NRXN3: variants seen among roughly 807,000 people sequenced by gnomAD.
NRXN3 encodes the protein neurexin III.
A neutral mutation model predicts 137.6 loss-of-function variants in NRXN3; 32 were observed. The ratio of observed to expected loss-of-function variants is 0.23; its 90% confidence interval spans 0.18 to 0.31. The LOEUF (loss-of-function observed/expected upper bound fraction) is 0.31. Ranked by LOEUF, NRXN3 falls within the 10% of genes least tolerant of loss-of-function variation. The probability of loss-of-function intolerance (pLI) is 1.00; values close to 1 mark genes in which losing one functional copy is unlikely to be tolerated. For synonymous variants in NRXN3, 798 were observed against 784.5 expected (o/e 1.02, Z -0.29); for missense variants, 1,574 against 2,062.5 (o/e 0.76, Z 4.59).
At chr14:78,611,038 C>T (rs1464892319) in intron 4 of NRXN3, among the ~76,000 whole-genome samples, 1 of 152,188 alleles carries the variant, frequency 6.6e-6, no homozygotes, top group Non-Finnish European at 1.5e-5. Flanking sequence ...GACACCCCAA[C>T]TCCATGCAGC....
At chr14:79,706,973 C>T (rs549508842) in intron 19 of NRXN3, among the ~76,000 whole-genome samples, 37 of 152,218 alleles carry the variant, frequency 2.4e-4, no homozygotes, top group African/African-American at 5.1e-4. Flanking sequence ...ATTCGTTTGT[C>T]GCCACCGGAC....
intron 15 of NRXN3, among the ~76,000 whole-genome samples, chr14:79,128,999 T>C (rs1208883761): frequency 6.6e-6 from 1 of 152,234 alleles, no homozygotes; most frequent in Non-Finnish European, 1.5e-5. Flanking sequence ...TGGTAGTTTG[T>C]ATTTCTGTGG....
At chr14:79,614,297 T>C (rs774382299) in intron 16 of NRXN3, among the ~76,000 whole-genome samples, 7 of 152,342 alleles carry the variant, frequency 4.6e-5, no homozygotes, top group Middle Eastern at 3.4e-3. Flanking sequence ...TAGATAAGCT[T>C]ACTGTTCACT....
At chr14:78,499,162 A>G (rs1030083734) in intron 4 of NRXN3, among the ~76,000 whole-genome samples, 1 of 152,120 alleles carries the variant, frequency 6.6e-6, no homozygotes, top group Non-Finnish European at 1.5e-5. Context: ...TTTTTTAAAT[A>G]CTACCTCTAT....
At chr14:78,681,770 A>G (rs549915509) in intron 6 of NRXN3, among the ~76,000 whole-genome samples, 1 of 152,258 alleles carries the variant, frequency 6.6e-6, no homozygotes, top group African/African-American at 2.4e-5. Context: ...TTCTCTTATC[A>G]GTGAAGGAGA....
At chr14:78,542,411 C>A (rs61052532) in intron 4 of NRXN3, among the ~76,000 whole-genome samples, 9 of 152,228 alleles carry the variant, frequency 5.9e-5, no homozygotes, top group African/African-American at 1.7e-4. Flanking sequence ...GCCCCTCCCC[C>A]AGCCAGGCTG....
At chr14:79,412,223 G>T (rs1246984254) in intron 15 of NRXN3, among the ~76,000 whole-genome samples, 1 of 152,040 alleles carries the variant, frequency 6.6e-6, no homozygotes, top group African/African-American at 2.4e-5. Flanking sequence ...ATTTATGTGT[G>T]CCTAAATATC....
chr14:79,685,904 AGGAATAGGGGCAT>A lies in NRXN3; in HGVS notation c.3617-6267_3617-6255del, dbSNP rs1336218675. Among the ~76,000 whole-genome samples the A allele has an allele frequency of 2.0e-5, 3 of 152,214 alleles. 1 individual carries two copies. The highest frequency in any genetic ancestry group is 2.0e-4 in the Admixed American group (3 of 15,278). ...TATGTTCAACCAGCAACAGACAGCA[AGGAATAGGGGCAT>A]GAACATTCGGATAGCTGGACGTAAT... is the stretch of plus-strand genomic sequence containing the variant. On this transcript the variant is annotated intron_variant, in intron 17 of 20. Transcript: ENST00000335750.
intron 4 of NRXN3, among the ~76,000 whole-genome samples, chr14:78,609,203 C>T (rs778580565): frequency 1.3e-4 from 20 of 151,306 alleles, no homozygotes; most frequent in Non-Finnish European, 2.5e-4. Flanking sequence ...CCTATTTACA[C>T]GTGGAAAGAT....
chr14:79,277,483 A>G (rs916239054), intron 15 of NRXN3, among the ~76,000 whole-genome samples: 6 of 152,148 alleles, frequency 3.9e-5, no homozygotes, highest in African/African-American at 1.4e-4. Context: ...ATAGCATAAG[A>G]CCCTAACCAT....
chr14:78,562,854 G>A (rs1013574368), intron 4 of NRXN3, among the ~76,000 whole-genome samples: 29 of 152,204 alleles, frequency 1.9e-4, no homozygotes, highest in African/African-American at 6.5e-4. Context: ...ACTCTTGAAA[G>A]CCATTTTGTC....
chr14:79,591,018 A>G (rs914678164), intron 16 of NRXN3, among the ~76,000 whole-genome samples: 2 of 152,148 alleles, frequency 1.3e-5, no homozygotes, highest in African/African-American at 4.8e-5. Context: ...GTGAATATCA[A>G]TGAAGCAAAC....
At chr14:79,848,008 G>A (rs1183468529) in intron 20 of NRXN3, among the ~76,000 whole-genome samples, 1 of 151,510 alleles carries the variant, frequency 6.6e-6, no homozygotes, top group East Asian at 1.9e-4. Context: ...CTTATTTGGT[G>A]CTTTTTAATC....
At chr14:79,408,506 G>C (rs2095356070) in intron 15 of NRXN3, among the ~76,000 whole-genome samples, 1 of 152,030 alleles carries the variant, frequency 6.6e-6, no homozygotes, top group African/African-American at 2.4e-5. Context: ...ACACTGAAAA[G>C]GGAGGTAATG....
At chr14:79,142,092 T>C (rs1237737724) in intron 15 of NRXN3, among the ~76,000 whole-genome samples, 1 of 152,122 alleles carries the variant, frequency 6.6e-6, no homozygotes, top group Non-Finnish European at 1.5e-5. Context: ...GAGGGTGCCA[T>C]TTGAATTGAG....
chr14:78,358,768 C>G (rs1455475278), intron 4 of NRXN3, among the ~76,000 whole-genome samples: 1 of 152,162 alleles, frequency 6.6e-6, no homozygotes, highest in African/African-American at 2.4e-5. Context: ...CCTGCCTTAA[C>G]TGAGCATTCT....
chr14:79,366,962 A>G (rs185141774), intron 15 of NRXN3, among the ~76,000 whole-genome samples: 1 of 151,978 alleles, frequency 6.6e-6, no homozygotes, highest in East Asian at 1.9e-4. Flanking sequence ...AATAGAATTA[A>G]AAACTCAGTC....
rs183111549 is a variant in NRXN3, at chr14:79,702,310, C to T, written c.4014+4373C>T. Among the ~76,000 whole-genome samples the T allele has an allele frequency of 1.1e-3, 173 of 152,146 alleles. 1 individual carries two copies. Among genetic ancestry groups the T allele is most frequent in the Admixed American group, 4.6e-3 (70 of 15,262 alleles). On this transcript the variant is annotated intron_variant, in intron 19 of 20. Coordinates refer to ENST00000335750, the MANE Select transcript of NRXN3 (RefSeq NM_001330195.2). ...AAGACAAATCCAGATTCCTTACCAT[C>T]GTGGAATTTACAATCTAAATAGGGC...
At chr14:78,761,042 C>T (rs144748472) in intron 8 of NRXN3, among the ~76,000 whole-genome samples, 166 of 152,188 alleles carry the variant, frequency 1.1e-3, no homozygotes, top group African/African-American at 3.9e-3. Context: ...TGAGGTATTT[C>T]GATGTGTTTC....
Sources: gnomAD v4.1 joint callset for allele counts (sites outside exome capture counted in the v4.1 genomes callset) on GRCh38, gnomAD v4.1.1 for gene constraint, MANE v1.5 for transcripts, NCBI Gene and HGNC (gene_info 2026-07-23, HGNC 2026-07-21) for gene names.